Variants in AGMO observed in about 807,000 individuals in gnomAD.
AGMO encodes glyceryl-ether monooxygenase.
AGMO carries 75 observed loss-of-function variants against 60.2 expected under a neutral mutation model. The ratio of observed to expected loss-of-function variants is 1.25; its 90% CI spans 1.03 to 1.51. The LOEUF is 1.51. AGMO is among the 40% of genes most tolerant of loss of function. The pLI is 0.00. For synonymous variants in AGMO, 261 were observed against 177.1 expected (o/e 1.47, Z -3.76); for missense variants, 763 against 525.5 (o/e 1.45, Z -4.42).
chr7:15,194,249 GTGAGA>G, the AGMO span, among the ~76,000 whole-genome samples: 3 of 152,118 alleles, frequency 2.0e-5, no homozygotes, highest in Admixed American at 2.0e-4. Context: ...TCAGATGGCA[GTGAGA>G]TGAAACTGGT....
intron 12 of AGMO, among the ~76,000 whole-genome samples, chr7:15,322,141 T>C (rs1272324346): frequency 6.6e-6 from 1 of 151,538 alleles, no homozygotes; most frequent in African/African-American, 2.4e-5. Flanking sequence ...TCCCCATCTC[T>C]AAAACAATTA....
intron 3 of AGMO, among the ~76,000 whole-genome samples, chr7:15,444,149 A>G (rs1781638411): frequency 6.6e-6 from 1 of 151,870 alleles, no homozygotes; most frequent in South Asian, 2.1e-4. Context: ...AGTATCGAAT[A>G]TATTTTTTTA....
At chr7:15,234,847 T>TA (rs1291907163) in intron 12 of AGMO, among the ~76,000 whole-genome samples, 1 of 152,216 alleles carries the variant, frequency 6.6e-6, no homozygotes, top group Non-Finnish European at 1.5e-5. Context: ...TTTTAACATG[T>TA]AAAAAGTGTT....
the AGMO span, among the ~76,000 whole-genome samples, chr7:15,163,902 C>T: frequency 5.1e-4 from 78 of 151,998 alleles, no homozygotes; most frequent in Middle Eastern, 3.4e-3. Flanking sequence ...AAGATTGGTG[C>T]CAGCTCTTTT....
chr7:15,413,664 T>C (rs1360927010), intron 5 of AGMO, among the ~76,000 whole-genome samples: 1 of 152,094 alleles, frequency 6.6e-6, no homozygotes, highest in African/African-American at 2.4e-5. Flanking sequence ...GAGATAAACT[T>C]TTTAAAGTAC....
At chr7:15,331,888 C>T (rs953050225) in intron 12 of AGMO, among the ~76,000 whole-genome samples, 2 of 151,576 alleles carry the variant, frequency 1.3e-5, no homozygotes, top group Non-Finnish European at 1.5e-5. Flanking sequence ...ATCACACCAT[C>T]GCACTCCAGC....
chr7:15,547,795 C>A (rs568437873), intron 2 of AGMO, among the ~76,000 whole-genome samples: 2 of 150,798 alleles, frequency 1.3e-5, no homozygotes, highest in Middle Eastern at 3.4e-3. Context: ...CGGGAAGCTC[C>A]AACTGGGTGG....
chr7:15,387,014 T>G (rs1480672556), intron 9 of AGMO, among the ~76,000 whole-genome samples: 1 of 152,192 alleles, frequency 6.6e-6, no homozygotes, highest in Non-Finnish European at 1.5e-5. Flanking sequence ...GCCTCAGTTT[T>G]TCATGAGTGG....
At chr7:15,321,016 CACAG>C (rs1438476949) in intron 12 of AGMO, among the ~76,000 whole-genome samples, 7 of 152,274 alleles carry the variant, frequency 4.6e-5, no homozygotes, top group South Asian at 2.1e-4. Flanking sequence ...CCTAGCAATA[CACAG>C]ACAGAGACAG....
At chr7:15,206,251 A>AT (rs200215923) in intron 12 of AGMO, among the ~76,000 whole-genome samples, 1,762 of 152,060 alleles carry the variant, frequency 0.012, 24 homozygotes, top group African/African-American at 0.04. Flanking sequence ...ATAATTATAG[A>AT]TTTTTTTTCT....
chr7:15,250,941 A>G (rs1782914346), intron 12 of AGMO, among the ~76,000 whole-genome samples: 1 of 149,950 alleles, frequency 6.7e-6, no homozygotes, highest in Non-Finnish European at 1.5e-5. Context: ...GCAAAACTCC[A>G]TCTCAAAAAA....
chr7:15,384,980 CCAGA>C (rs1174261782), intron 10 of AGMO, among the ~76,000 whole-genome samples: 3 of 151,718 alleles, frequency 2.0e-5, no homozygotes, highest in African/African-American at 2.4e-5. Flanking sequence ...TCTATTTGCA[CCAGA>C]CAAATTGGAA....
chr7:15,325,169 G>C (rs528164495), intron 12 of AGMO, among the ~76,000 whole-genome samples: 1 of 151,932 alleles, frequency 6.6e-6, no homozygotes, highest in African/African-American at 2.4e-5. Flanking sequence ...ATATATACTG[G>C]ATAGATAGAT....
Position 15,282,387 on chromosome 7 carries a change from T to C in AGMO, c.1264-81028A>G, listed in dbSNP as rs1447803635. ...GATAGATATTTTACAGAAAAACCAA[T>C]CAAGCTTCTGGAAATGAAAGATACA... On this transcript the variant is annotated intron_variant, in intron 12 of 12. Transcript: ENST00000342526. 2.0e-5 allele frequency among the ~76,000 whole-genome samples: 3 copies of C among 151,944 alleles called. No homozygotes were observed. In the East Asian group the frequency reaches 5.8e-4, roughly 29 times the overall value.
intron 10 of AGMO, among the ~76,000 whole-genome samples, chr7:15,383,123 G>GTACA (rs1198752559): frequency 6.6e-6 from 1 of 151,930 alleles, no homozygotes; most frequent in African/African-American, 2.4e-5. Context: ...GTTCAGTGAT[G>GTACA]TACAGATAAA....
At chr7:15,486,043 T>C (rs1782912388) in intron 3 of AGMO, among the ~76,000 whole-genome samples, 1 of 152,328 alleles carries the variant, frequency 6.6e-6, no homozygotes, top group East Asian at 1.9e-4. Flanking sequence ...ACGATTAGAA[T>C]AGTGTGATTG....
intron 12 of AGMO, among the ~76,000 whole-genome samples, chr7:15,267,725 A>G (rs770466193): frequency 2.4e-4 from 36 of 152,006 alleles, no homozygotes; most frequent in Non-Finnish European, 4.4e-4. Flanking sequence ...AGAAACAGAA[A>G]CTGGAACATT....
At chr7:15,392,657 C>T (rs1327674242) in intron 6 of AGMO, among the ~76,000 whole-genome samples, 2 of 151,848 alleles carry the variant, frequency 1.3e-5, no homozygotes, top group African/African-American at 4.8e-5. Flanking sequence ...AAATTAACCA[C>T]ACGTGGTGGC....
At chr7:15,354,421 TACACACACGTGTGTGTATAC>T (rs1782409053) in intron 12 of AGMO, among the ~76,000 whole-genome samples, 5 of 14,750 alleles carry the variant, frequency 3.4e-4, no homozygotes, top group East Asian at 3.2e-3. Context: ...CGTGTGTGTA[TACACACACGTGTGTGTATAC>T]ACACGTGTGT....
Sources: gnomAD v4.1 joint callset for allele counts (sites outside exome capture counted in the v4.1 genomes callset) on GRCh38, gnomAD v4.1.1 for gene constraint, MANE v1.5 for transcripts, NCBI Gene and HGNC (gene_info 2026-07-23, HGNC 2026-07-21) for gene names.